Variants in CTNNBIP1 observed in about 807,000 individuals in gnomAD.
The protein encoded by CTNNBIP1 is beta-catenin-interacting protein 1.
Under a neutral mutation model 11.8 loss-of-function variants are expected in CTNNBIP1, and 7 were observed. The observed-to-expected ratio is 0.60, with a 90% CI of 0.34 to 1.12. The LOEUF is 1.12. Among genes scored for constraint, CTNNBIP1 ranks in the 50% most tolerant of loss-of-function variants. The pLI is 0.03. For synonymous variants in CTNNBIP1, 58 were observed against 43.9 expected (o/e 1.32, Z -1.26); for missense variants, 101 against 113.4 (o/e 0.89, Z 0.50).
At chr1:9,880,462 G>A (rs749603011) in intron 2 of CTNNBIP1, among the ~76,000 whole-genome samples, 1 of 152,106 alleles carries the variant, frequency 6.6e-6, no homozygotes, top group Non-Finnish European at 1.5e-5. Flanking sequence ...TCTTTATAGT[G>A]GAATGATTTA....
chr1:9,904,817 A>G (rs969534435), intron 1 of CTNNBIP1, among the ~76,000 whole-genome samples: 3 of 152,198 alleles, frequency 2.0e-5, no homozygotes, highest in Admixed American at 6.5e-5. Context: ...TCCACTGTAG[A>G]CGACAAGCTG....
At chr1:9,891,597 G>GA (rs1639300948) in intron 1 of CTNNBIP1, among the ~76,000 whole-genome samples, 1 of 152,092 alleles carries the variant, frequency 6.6e-6, no homozygotes, top group South Asian at 2.1e-4. Context: ...ACCTGGCTGA[G>GA]AGACCCCAGG....
chr1:9,877,373 G>A (rs1434096981), intron 3 of CTNNBIP1, among the ~76,000 whole-genome samples: 6 of 152,310 alleles, frequency 3.9e-5, no homozygotes, highest in East Asian at 3.9e-4. Context: ...TAAACTGGAA[G>A]CTAATGCTCT....
At chr1:9,891,809 T>TC (rs1639306601) in intron 1 of CTNNBIP1, among the ~76,000 whole-genome samples, 1 of 114,606 alleles carries the variant, frequency 8.7e-6, no homozygotes, top group Admixed American at 8.0e-5. Flanking sequence ...TTTTTTTTTT[T>TC]TGGAGATGGG....
At chr1:9,860,775 C>T (rs142175400) in intron 5 of CTNNBIP1, among the ~76,000 whole-genome samples, 15 of 152,126 alleles carry the variant, frequency 9.9e-5, no homozygotes, top group Non-Finnish European at 1.6e-4. Flanking sequence ...CTTCCCAGGA[C>T]GGTGTCAGAC....
rs1344369902 is a variant in CTNNBIP1 at position 9,848,308 on chromosome 1, T to C, written c.*2410A>G. 6.6e-6 allele frequency: 1 copy of C among 152,232 alleles called. No homozygotes were observed. The highest frequency in any genetic ancestry group is 1.9e-4 in the East Asian group (1 of 5,192). The allele number at this position is 152,232 out of a possible 1,614,324, so 9.4% of individuals were successfully genotyped here. A position where few individuals can be genotyped will look rare whatever the true frequency, so the allele number is the denominator to read the frequency against. ...GAAAATTCTTTATTGTTAATTTCTT[T>C]CTCCAACAGATATATTTTTAGTTGA... On this transcript the variant is annotated 3_prime_UTR_variant, in exon 6 of 6. Coordinates refer to ENST00000377263, the MANE Select transcript of CTNNBIP1 (RefSeq NM_020248.3). The surrounding 1 kb of genome is among the most constrained non-coding windows in gnomAD (Gnocchi z 4.3).
chr1:9,866,573 G>A (rs1459926051), intron 5 of CTNNBIP1, among the ~76,000 whole-genome samples: 2 of 152,114 alleles, frequency 1.3e-5, no homozygotes, highest in East Asian at 1.9e-4. Context: ...CCAGCTACTC[G>A]GGAGGCTGAG....
At chr1:9,874,154 C>T (rs551211759) in intron 3 of CTNNBIP1, among the ~76,000 whole-genome samples, 283 of 152,274 alleles carry the variant, frequency 1.9e-3, no homozygotes, top group Non-Finnish European at 2.9e-3. Flanking sequence ...GGCACTCGTC[C>T]GTTCTAGAAC....
At chr1:9,866,385 CCA>C (rs1202518144) in intron 5 of CTNNBIP1, among the ~76,000 whole-genome samples, 2 of 152,162 alleles carry the variant, frequency 1.3e-5, no homozygotes, top group Non-Finnish European at 2.9e-5. Flanking sequence ...CAGTGGGGAG[CCA>C]CTGAATGATT....
intron 3 of CTNNBIP1, among the ~76,000 whole-genome samples, chr1:9,874,466 T>C (rs1570576305): frequency 6.6e-6 from 1 of 152,166 alleles, no homozygotes; most frequent in Non-Finnish European, 1.5e-5. Flanking sequence ...CACAGCCAGG[T>C]TGGTCTCAAA....
intron 5 of CTNNBIP1, among the ~76,000 whole-genome samples, chr1:9,854,900 C>A (rs1365911079): frequency 6.6e-6 from 1 of 152,166 alleles, no homozygotes; most frequent in Non-Finnish European, 1.5e-5. Flanking sequence ...TGGTCTCGAG[C>A]TCCTGAGCTC....
chr1:9,876,986 G>T (rs373360726), intron 3 of CTNNBIP1, among the ~76,000 whole-genome samples: 1 of 152,140 alleles, frequency 6.6e-6, no homozygotes, highest in Non-Finnish European at 1.5e-5. Flanking sequence ...CACACAACGG[G>T]AGAACTGGCC....
chr1:9,892,188 T>C (rs1222763600), intron 1 of CTNNBIP1, among the ~76,000 whole-genome samples: 1 of 151,654 alleles, frequency 6.6e-6, no homozygotes, highest in African/African-American at 2.4e-5. Flanking sequence ...TTTGGGAAGC[T>C]GAGGCGGGCG....
intron 1 of CTNNBIP1, among the ~76,000 whole-genome samples, chr1:9,897,460 C>A (rs1443824630): frequency 6.8e-6 from 1 of 147,372 alleles, no homozygotes; most frequent in Non-Finnish European, 1.5e-5. Flanking sequence ...TCTCAAAAAA[C>A]AAAAACAAAA....
intron 3 of CTNNBIP1, among the ~76,000 whole-genome samples, chr1:9,873,345 G>A (rs766684596): frequency 2.3e-4 from 35 of 152,132 alleles, no homozygotes; most frequent in Non-Finnish European, 3.8e-4. Context: ...TGATAACTGG[G>A]AGCTAGGAAA....
chr1:9,857,548 G>A (rs947653405), intron 5 of CTNNBIP1, among the ~76,000 whole-genome samples: 2 of 150,820 alleles, frequency 1.3e-5, no homozygotes, highest in Admixed American at 6.6e-5. Flanking sequence ...TCTGCACTTT[G>A]TCTGCACTTT....
Position 9,872,829 on chromosome 1 carries a change from C to T in CTNNBIP1, c.-24-741G>A, listed in dbSNP as rs1344194389. 6.6e-6 allele frequency among the ~76,000 whole-genome samples: 1 copy of T among 152,160 alleles called. No homozygotes were observed. Among genetic ancestry groups the T allele is most frequent in the African/African-American group, 2.4e-5 (1 of 41,414 alleles). On this transcript the variant is annotated intron_variant, in intron 3 of 5. Transcript: ENST00000377263. This position sits in a 1 kb window ranked among gnomAD's most constrained non-coding sequence, Gnocchi z 4.0. ...TCCCCAGGAGAGAAGTCCAGAGCCC[C>T]CTCCCTCCAGGAGGAGCTGGAGGAG...
intron 5 of CTNNBIP1, among the ~76,000 whole-genome samples, chr1:9,868,063 G>T (rs1032626872): frequency 1.3e-5 from 2 of 152,182 alleles, no homozygotes; most frequent in Non-Finnish European, 2.9e-5. Flanking sequence ...TTCCAGACAT[G>T]GCTGACCCCT....
chr1:9,884,396 G>A (rs1389200616), intron 1 of CTNNBIP1, among the ~76,000 whole-genome samples: 1 of 152,128 alleles, frequency 6.6e-6, no homozygotes, highest in Non-Finnish European at 1.5e-5. Flanking sequence ...AAGACAGCCA[G>A]GCCTTAATCC....
Sources: allele counts gnomAD v4.1 joint callset (sites outside exome capture counted in the v4.1 genomes callset), GRCh38; gene constraint gnomAD v4.1.1; non-coding constraint Gnocchi (gnomAD v3.1); transcripts MANE v1.5; gene names NCBI Gene and HGNC (gene_info 2026-07-23, HGNC 2026-07-21).